The following SLC2A14 variants were observed in gnomAD, a reference collection of about 807,000 sequenced individuals.
SLC2A14 encodes solute carrier family 2, facilitated glucose transporter member 14.
Under a neutral mutation model 43.0 loss-of-function variants are expected in SLC2A14, and 13 were observed. The ratio of observed to expected loss-of-function variants is 0.30; its 90% CI spans 0.20 to 0.48. The LOEUF is 0.48. SLC2A14 is among the 20% of genes least tolerant of loss of function. SLC2A14 has a pLI of 0.99. For missense variants in SLC2A14, 428 were observed against 620.4 expected, an observed-to-expected ratio of 0.69 and a Z score of 3.29; for synonymous variants, 190 against 233.8, an observed-to-expected ratio of 0.81 and a Z score of 1.71.
intron 2 of SLC2A14, among the ~76,000 whole-genome samples, chr12:7,862,945 C>A (rs528342664): frequency 6.6e-6 from 1 of 152,202 alleles, no homozygotes; most frequent in African/African-American, 2.4e-5. Flanking sequence ...ACAGGCCACT[C>A]GGCTCTACCA....
At chr12:7,855,466 C>T (rs1336548411) in intron 2 of SLC2A14, among the ~76,000 whole-genome samples, 1 of 151,502 alleles carries the variant, frequency 6.6e-6, no homozygotes, top group Non-Finnish European at 1.5e-5. Context: ...GATGACCACC[C>T]CCTTGCTCCC....
intron 2 of SLC2A14, among the ~76,000 whole-genome samples, chr12:7,851,722 T>C (rs1866953633): frequency 6.6e-6 from 1 of 152,194 alleles, no homozygotes; most frequent in African/African-American, 2.4e-5. Flanking sequence ...TGGGTATGGC[T>C]GAGAAAGAAT....
At chr12:7,815,017 C>T (rs1272430206) in intron 10 of SLC2A14, among the ~76,000 whole-genome samples, 1 of 151,104 alleles carries the variant, frequency 6.6e-6, no homozygotes, top group Non-Finnish European at 1.5e-5. Flanking sequence ...CCAGGCTGGT[C>T]TCAAACTCCT....
chr12:7,840,388 T>G (rs1003840503), intron 2 of SLC2A14, among the ~76,000 whole-genome samples: 1 of 152,054 alleles, frequency 6.6e-6, no homozygotes, highest in Non-Finnish European at 1.5e-5. Context: ...TTTTTGTTTT[T>G]GTTTTTTTGA....
intron 1 of SLC2A14, among the ~76,000 whole-genome samples, chr12:7,883,352 A>C (rs1945625168): frequency 7.1e-6 from 1 of 140,030 alleles, no homozygotes; most frequent in Admixed American, 7.7e-5. Context: ...ACTGCAACTC[A>C]GCCTCCTGGG....
At chr12:7,822,756 G>A (rs1339359233) in intron 7 of SLC2A14, among the ~76,000 whole-genome samples, 1 of 151,886 alleles carries the variant, frequency 6.6e-6, no homozygotes, top group African/African-American at 2.4e-5. Context: ...TGCCCAGGCT[G>A]GTCCTAAACT....
At chr12:7,865,548 T>A (rs192942173) in intron 2 of SLC2A14, among the ~76,000 whole-genome samples, 3,548 of 150,204 alleles carry the variant, frequency 0.024, 72 homozygotes, top group Non-Finnish European at 0.032. Context: ...AAAAAAAAAA[T>A]GAAAATAAAA....
rs184955649 is a variant in SLC2A14, at chr12:7,820,528, C to A, written c.969+693G>T. On this transcript the variant is annotated intron_variant, in intron 8 of 10. Transcript: ENST00000431042. The stretch of plus-strand genomic sequence containing the variant: ...AAATCACAGGACACCTAGATAGTGT[C>A]CACTACGGAACTGATTGCTTACTTG... Among the ~76,000 whole-genome samples the A allele has an allele frequency of 3.0e-3, 453 of 152,230 alleles. 3 individuals carry two copies. The highest frequency in any genetic ancestry group is 0.01 in the African/African-American group (431 of 41,570).
chr12:7,855,583 C>T (rs12369506), intron 2 of SLC2A14, among the ~76,000 whole-genome samples: 21,309 of 152,080 alleles, frequency 0.14, 1,595 homozygotes, highest in East Asian at 0.31. Context: ...CCACCCTTAC[C>T]CGAAACGTTT....
In SLC2A14 at chr12:7,812,868, C is replaced by T. The variant is rs962380040; in HGVS notation, c.*1448G>A. Reference sequence around the variant, plus strand: ...ACATATGAAAAAGGGGCTGTAGGAACAAACACAGAGAAAATAAGTCAACAA... The same window carrying T: ...ACATATGAAAAAGGGGCTGTAGGAATAAACACAGAGAAAATAAGTCAACAA... On this transcript the variant is annotated 3_prime_UTR_variant, in exon 11 of 11. Transcript: ENST00000431042. The T allele has an allele frequency of 6.6e-6, 1 of 152,202 alleles. No homozygotes were observed. The highest frequency in any genetic ancestry group is 1.5e-5 in the Non-Finnish European group (1 of 68,082). The allele number at this position is 152,202 out of a possible 1,614,324, so 9.4% of individuals were successfully genotyped here. A position where few individuals can be genotyped will look rare whatever the true frequency, so the allele number is the denominator to read the frequency against.
At chr12:7,826,218 C>T (rs368854112) in intron 7 of SLC2A14, among the ~76,000 whole-genome samples, 6 of 81,814 alleles carry the variant, frequency 7.3e-5, no homozygotes, top group African/African-American at 3.0e-4. Flanking sequence ...TGTGTATTTC[C>T]TCCCAAGTTT....
chr12:7,871,724 C>T (rs961356760), intron 1 of SLC2A14: 2 of 185,618 alleles, frequency 1.1e-5, no homozygotes, highest in Non-Finnish European at 2.0e-5. Flanking sequence ...AACCTGTGTG[C>T]CCCCAGGAGG....
intron 1 of SLC2A14, among the ~76,000 whole-genome samples, chr12:7,890,252 C>T (rs964300824): frequency 6.6e-6 from 1 of 151,848 alleles, no homozygotes; most frequent in African/African-American, 2.4e-5. Flanking sequence ...TTGCCGTGTT[C>T]TCTGCCACAA....
At chr12:7,885,017 T>C (rs757645299) in intron 1 of SLC2A14, among the ~76,000 whole-genome samples, 1 of 152,240 alleles carries the variant, frequency 6.6e-6, no homozygotes, top group Admixed American at 6.5e-5. Context: ...AGTTTGATGG[T>C]TTAGTCTTTT....
At chr12:7,843,357 G>C (rs530432006) in intron 2 of SLC2A14, among the ~76,000 whole-genome samples, 939 of 146,784 alleles carry the variant, frequency 6.4e-3, no homozygotes, top group Non-Finnish European at 9.0e-3. Context: ...GTTTCAAAAA[G>C]AGTGGATGAA....
intron 2 of SLC2A14, among the ~76,000 whole-genome samples, chr12:7,852,390 A>AT (rs1488330266): frequency 6.6e-6 from 1 of 152,134 alleles, no homozygotes; most frequent in Non-Finnish European, 1.5e-5. Flanking sequence ...GCAGTGCTTC[A>AT]TTTTTTCCCC....
chr12:7,856,550 C>G (rs1867400491), intron 2 of SLC2A14: 1 of 152,200 alleles, frequency 6.6e-6, no homozygotes, highest in South Asian at 2.1e-4. Context: ...GAAAAGCTAT[C>G]TCTAACCCAT....
At chr12:7,815,885 TTTTTTTG>T (rs1253094829) in intron 10 of SLC2A14, among the ~76,000 whole-genome samples, 1 of 149,092 alleles carries the variant, frequency 6.7e-6, no homozygotes, top group East Asian at 2.1e-4. Context: ...CAGTTTTGTT[TTTTTTTG>T]TTTTTTTGTT....
At chr12:7,863,046 G>A (rs1440458136) in intron 2 of SLC2A14, among the ~76,000 whole-genome samples, 1 of 152,102 alleles carries the variant, frequency 6.6e-6, no homozygotes, top group Non-Finnish European at 1.5e-5. Context: ...CTTTCAAACT[G>A]TTGAAGCTTT....
Sources: gnomAD v4.1 joint callset for allele counts (sites outside exome capture counted in the v4.1 genomes callset) on GRCh38, gnomAD v4.1.1 for gene constraint, MANE v1.5 for transcripts, NCBI Gene and HGNC (gene_info 2026-07-23, HGNC 2026-07-21) for gene names.